Variants in SLC6A3 observed in about 807,000 individuals in gnomAD.
SLC6A3 encodes sodium-dependent dopamine transporter.
In SLC6A3, 19 loss-of-function variants were observed where a neutral mutation model predicts 70.4. That is an observed-to-expected ratio of 0.27 (90% confidence interval 0.19 to 0.40). The LOEUF is 0.40. SLC6A3 is among the 10% of genes least tolerant of loss of function. SLC6A3 has a pLI of 1.00. For synonymous variants in SLC6A3, 368 were observed against 356.6 expected, an observed-to-expected ratio of 1.03 and a Z score of -0.36; for missense variants, 613 against 838.5, an observed-to-expected ratio of 0.73 and a Z score of 3.32.
At chr5:1,430,703 G>C (rs994241197) in intron 4 of SLC6A3, among the ~76,000 whole-genome samples, 1 of 151,246 alleles carries the variant, frequency 6.6e-6, no homozygotes, top group East Asian at 2.0e-4. Context: ...CATCTCTCTG[G>C]GAGGCTGTGC....
At position 1,411,494 on chromosome 5, in the gene SLC6A3, C is replaced by T. The variant is rs1756125139; in HGVS notation, c.1157-139G>A. 1 of 715,950 alleles carries T rather than the reference C, an allele frequency of 1.4e-6. No individual in the cohort carries two copies. Among genetic ancestry groups the T allele is most frequent in the African/African-American group, 1.7e-5 (1 of 57,476 alleles). The allele number at this position is 715,950 out of a possible 1,614,324, so 44.3% of individuals were successfully genotyped here. A position where few individuals can be genotyped will look rare whatever the true frequency, so the allele number is the denominator to read the frequency against. On this transcript the variant is annotated intron_variant, in intron 8 of 14. Transcript: ENST00000270349. This position sits in a 1 kb window ranked among gnomAD's most constrained non-coding sequence, Gnocchi z 6.5. ...TGGTGCGGCTCTGCTGAAAAGCCCC[C>T]TTCTATATGTCCAGCAGACCAGGCC...
chr5:1,420,644 C>T lies in SLC6A3; in HGVS notation c.852G>A (p.Gly284=). ...CGTCTATGGCTCCAGGGAGGGTGAC[C>T]CCACGCAGGAGCAGGGCAGTGAGGA... The part of the protein sequence containing the change: ...YVVLTALLLR[G]VTLPGAIDGI... The change falls in exon 6 of 15, where the codon GGG becomes GGA. Residue 284 remains glycine, a synonymous_variant. Transcript: ENST00000270349. 6.2e-7 allele frequency: 1 copy of T among 1,613,646 alleles called. No individual in the cohort carries two copies. The highest frequency in any genetic ancestry group is 8.5e-7 in the Non-Finnish European group (1 of 1,179,984).
intron 4 of SLC6A3, among the ~76,000 whole-genome samples, chr5:1,430,984 C>T (rs542921522): frequency 2.2e-4 from 33 of 152,350 alleles, no homozygotes; most frequent in African/African-American, 7.0e-4. Context: ...GAATAAGATG[C>T]GTCTAACCAG....
intron 12 of SLC6A3, among the ~76,000 whole-genome samples, chr5:1,403,320 CTCCCA>C (rs1281829945): frequency 3.6e-5 from 5 of 138,230 alleles, no homozygotes; most frequent in Admixed American, 1.4e-4. Flanking sequence ...CTCCCCTCCC[CTCCCA>C]TCCCATCCTG....
chr5:1,443,050 G>T lies in SLC6A3; in HGVS notation c.148C>A (p.Pro50Thr), dbSNP rs1352913042. 1 of 1,614,216 alleles carries T rather than the reference G, an allele frequency of 6.2e-7. No homozygotes were observed. Among genetic ancestry groups the T allele is most frequent in the Non-Finnish European group, 8.5e-7 (1 of 1,180,038 alleles). Residue 50 changes from proline to threonine, a missense_variant, in exon 2 of 15, where the codon CCG (proline) becomes ACG (threonine). Physicochemically the swap from Pro to Thr is conservative, Grantham distance 38. Coordinates refer to ENST00000270349, the MANE Select transcript of SLC6A3 (RefSeq NM_001044.5). ...TGGGCCTCCACGGGGCTCTGCCGCG[G>T]GTTGGTGAGGGTGGAGCTGGTGAGC... ...VQLTSSTLTN[P>T]RQSPVEAQDR... is the part of the protein sequence containing the mutation.
At chr5:1,424,125 C>G (rs938019879) in intron 4 of SLC6A3, among the ~76,000 whole-genome samples, 1 of 152,236 alleles carries the variant, frequency 6.6e-6, no homozygotes, top group Non-Finnish European at 1.5e-5. Context: ...GGCAGAGGCC[C>G]CAGGTTGGCA....
chr5:1,413,015 C>T lies in SLC6A3; in HGVS notation c.1157-1660G>A, dbSNP rs28363087. Among the ~76,000 whole-genome samples, 29 of 152,320 alleles carry T rather than the reference C, an allele frequency of 1.9e-4. 1 individual carries two copies. In the South Asian group the frequency reaches 2.7e-3, roughly 14 times the overall value. ...GCTCAGGGAATGTAATGTCAACACC[C>T]GTGCCTTCGTTTCTGTACCTAAGTT... On this transcript the variant is annotated intron_variant, in intron 8 of 14. Coordinates refer to ENST00000270349, the MANE Select transcript of SLC6A3 (RefSeq NM_001044.5). This position sits in a 1 kb window ranked among gnomAD's most constrained non-coding sequence, Gnocchi z 7.1.
rs766875221 is a variant in SLC6A3 at position 1,414,766 on chromosome 5, C to T, written c.1081G>A (p.Gly361Ser). Reference sequence around the variant, plus strand: ...CCCAGGAAGGAGAAGACGACGAAGCCGGAGGAGAAGCTCGTCAGGGAGTTG... The same window carrying T: ...CCCAGGAAGGAGAAGACGACGAAGCTGGAGGAGAAGCTCGTCAGGGAGTTG... ...SINSLTSFSS[G>S]FVVFSFLGYM... Residue 361 changes from glycine to serine, a missense_variant, in exon 8 of 15, where the codon GGC becomes AGC. Physicochemically the swap from Gly to Ser is moderately conservative, Grantham distance 56. Transcript: ENST00000270349. 4.3e-6 allele frequency: 7 copies of T among 1,612,840 alleles called. No individual in the cohort carries two copies. The highest frequency in any genetic ancestry group is 4.5e-5 in the East Asian group (2 of 44,876).
chr5:1,397,943 A>G lies in SLC6A3; in HGVS notation c.1839+2972T>C, dbSNP rs1301009097. Among the ~76,000 whole-genome samples, 2 of 152,226 alleles carry G rather than the reference A, an allele frequency of 1.3e-5. No individual in the cohort carries two copies. The highest frequency in any genetic ancestry group is 4.8e-5 in the African/African-American group (2 of 41,456). Reference sequence around the variant, plus strand: ...AAAAAGAGAGAAATAGATTTGAACAATCATAGCATGTTCATCAGTAGGAGG... The same window carrying G: ...AAAAAGAGAGAAATAGATTTGAACAGTCATAGCATGTTCATCAGTAGGAGG... On this transcript the variant is annotated intron_variant, in intron 14 of 14. Transcript: ENST00000270349. This position sits in a 1 kb window ranked among gnomAD's most constrained non-coding sequence, Gnocchi z 4.7.
chr5:1,411,101 G>C lies in SLC6A3; in HGVS notation c.1269+142C>G. ...CGAGAAAGGTCTCCCAAATAATCAC[G>C]GGGCTCGCCCAAGTCAAGGACAGGA... On this transcript the variant is annotated intron_variant, in intron 9 of 14. Coordinates refer to ENST00000270349, the MANE Select transcript of SLC6A3 (RefSeq NM_001044.5). The surrounding 1 kb of genome is among the most constrained non-coding windows in gnomAD (Gnocchi z 6.5). 1.4e-6 allele frequency: 1 copy of C among 692,750 alleles called. No homozygotes were observed. Among genetic ancestry groups the C allele is most frequent in the Non-Finnish European group, 2.6e-6 (1 of 380,228 alleles). 42.9% of individuals were successfully genotyped at this position (692,750 alleles called of 1,614,324 possible).
chr5:1,431,288 C>A (rs915734927), intron 4 of SLC6A3, among the ~76,000 whole-genome samples: 1 of 152,220 alleles, frequency 6.6e-6, no homozygotes, highest in Non-Finnish European at 1.5e-5. Flanking sequence ...GGAGGGCCAG[C>A]AGGAGCTGGC....
rs1755939078 is a variant in SLC6A3, at chr5:1,405,065, G to A, written c.1599+1123C>T. ...CTCACTTTCCCCTCTGAACAGCCAT[G>A]TAGTCTGTGTGCTATTAAAAGCCCG... On this transcript the variant is annotated intron_variant, in intron 12 of 14. Transcript: ENST00000270349. The surrounding 1 kb of genome is among the most constrained non-coding windows in gnomAD (Gnocchi z 5.3). 6.6e-6 allele frequency among the ~76,000 whole-genome samples: 1 copy of A among 152,220 alleles called. No homozygotes were observed. Among genetic ancestry groups the A allele is most frequent in the African/African-American group, 2.4e-5 (1 of 41,458 alleles).
intron 4 of SLC6A3, among the ~76,000 whole-genome samples, chr5:1,423,357 C>CTGCCCACAG (rs1756508122): frequency 1.0e-5 from 1 of 96,502 alleles, no homozygotes; most frequent in Admixed American, 1.0e-4. Context: ...GCTGCCCACG[C>CTGCCCACAG]TGCTGGGTAC....
At chr5:1,424,394 A>G (rs1756531961) in intron 4 of SLC6A3, among the ~76,000 whole-genome samples, 1 of 152,072 alleles carries the variant, frequency 6.6e-6, no homozygotes, top group African/African-American at 2.4e-5. Flanking sequence ...CTGCTCCCCC[A>G]GCAAGGTCTC....
chr5:1,420,605 G>C lies in SLC6A3; in HGVS notation c.891C>G (p.Tyr297Ter). ...LPGAIDGIRA[Y>*]LSVDFYRLCE... ...AGAGCCGGTAGAAGTCAACGCTCAG[G>C]TATGCTCTGATGCCGTCTATGGCTC... Residue 297 changes from tyrosine (Y) to a stop codon, truncating the protein, a stop_gained, in exon 6 of 15, where the codon TAC becomes TAG. Coordinates refer to ENST00000270349, the MANE Select transcript of SLC6A3 (RefSeq NM_001044.5). LOFTEE classifies it high-confidence loss of function. The C allele has an allele frequency of 1.2e-6, 2 of 1,613,614 alleles. No individual in the cohort carries two copies.
chr5:1,431,986 G>A (rs898039841), intron 4 of SLC6A3, among the ~76,000 whole-genome samples: 6 of 152,328 alleles, frequency 3.9e-5, no homozygotes, highest in African/African-American at 1.4e-4. Context: ...CTTGCGCAGT[G>A]ACACCCAGAA....
intron 2 of SLC6A3, 90 bp from the exon 3 acceptor site, chr5:1,441,580 C>A: frequency 6.8e-7 from 1 of 1,479,422 alleles, no homozygotes; most frequent in Non-Finnish European, 9.2e-7. Context: ...AGTCAACCAT[C>A]CATGTCCTGG....
At position 1,406,608 on chromosome 5, in the gene SLC6A3, TGGTAC is replaced by T. The variant is rs1755987168; in HGVS notation, c.1499-325_1499-321del. Reference sequence around the variant, plus strand: ...GGCTCTCCCTGTCTCCCTCTGCTGCTGGTACTTCTTGTTCACTTAAAAAGATTATG... The same window carrying T: ...GGCTCTCCCTGTCTCCCTCTGCTGCTTTCTTGTTCACTTAAAAAGATTATG... On this transcript the variant is annotated intron_variant, in intron 11 of 14. Coordinates refer to ENST00000270349, the MANE Select transcript of SLC6A3 (RefSeq NM_001044.5). This position sits in a 1 kb window ranked among gnomAD's most constrained non-coding sequence, Gnocchi z 8.8. 6.7e-6 allele frequency among the ~76,000 whole-genome samples: 1 copy of T among 149,328 alleles called. No homozygotes were observed. Among genetic ancestry groups the T allele is most frequent in the Non-Finnish European group, 1.5e-5 (1 of 65,974 alleles).
rs1213035509 is a variant in SLC6A3 at position 1,436,079 on chromosome 5, T to C, written c.419-3381A>G. On this transcript the variant is annotated intron_variant, in intron 3 of 14. Transcript: ENST00000270349. This position sits in a 1 kb window ranked among gnomAD's most constrained non-coding sequence, Gnocchi z 5.2. ...TGGTGGCCAGTCCCCTCCTGGATGC[T>C]TCCCTGGGCACCTGGGTGAGGAAAT... is the stretch of plus-strand genomic sequence containing the variant. 6.6e-6 allele frequency among the ~76,000 whole-genome samples: 1 copy of C among 151,614 alleles called. No homozygotes were observed. Among genetic ancestry groups the C allele is most frequent in the Admixed American group, 6.6e-5 (1 of 15,232 alleles).
Sources: gnomAD v4.1 joint callset for allele counts (sites outside exome capture counted in the v4.1 genomes callset) on GRCh38, gnomAD v4.1.1 for gene constraint, Gnocchi (gnomAD v3.1) non-coding constraint, MANE v1.5 for transcripts, NCBI Gene and HGNC (gene_info 2026-07-23, HGNC 2026-07-21) for gene names.